TM2D1: variants seen among roughly 807,000 people sequenced by gnomAD.
TM2D1 encodes the protein TM2 domain containing 1, also known as TM2 domain-containing protein 1.
In TM2D1, 15 loss-of-function variants were observed where a neutral mutation model predicts 28.4. The observed-to-expected ratio is 0.53, with a 90% CI of 0.35 to 0.81. The LOEUF (loss-of-function observed/expected upper bound fraction) is 0.81, where lower values mean the gene tolerates loss of function less well. Ranked by LOEUF, TM2D1 falls within the 40% of genes least tolerant of loss-of-function variation. The probability of loss-of-function intolerance (pLI) is 0.01; values close to 1 mark genes in which losing one functional copy is unlikely to be tolerated. For synonymous variants in TM2D1, 93 were observed against 96.2 expected, an observed-to-expected ratio of 0.97 and a Z score of 0.20; for missense variants, 236 against 254.9, an observed-to-expected ratio of 0.93 and a Z score of 0.50.
chr1:61,684,904 A>G (rs1222080742), intron 5 of TM2D1, among the ~76,000 whole-genome samples: 1 of 152,108 alleles, frequency 6.6e-6, no homozygotes, highest in Admixed American at 6.5e-5. Context: ...CAGCCTCCCA[A>G]GTAGCTGGGA....
chr1:61,684,351 C>T (rs1021649404), intron 5 of TM2D1, among the ~76,000 whole-genome samples: 1 of 152,150 alleles, frequency 6.6e-6, no homozygotes, highest in African/African-American at 2.4e-5. Context: ...TGATACCATG[C>T]TACACTGGAA....
chr1:61,717,423 G>C (rs1011607674), intron 2 of TM2D1, among the ~76,000 whole-genome samples: 1 of 151,712 alleles, frequency 6.6e-6, no homozygotes, highest in Non-Finnish European at 1.5e-5. Flanking sequence ...ACAAAATTAA[G>C]CAACATGCTA....
chr1:61,702,750 T>TTATA (rs111311651), intron 3 of TM2D1, among the ~76,000 whole-genome samples: 18 of 149,536 alleles, frequency 1.2e-4, no homozygotes, highest in African/African-American at 4.2e-4. Context: ...ATTTTAGGCC[T>TTATA]TATATATATA....
At chr1:61,699,338 C>A (rs1692128) in intron 4 of TM2D1, 22 of 151,792 alleles carry the variant, frequency 1.4e-4, no homozygotes, top group African/African-American at 5.3e-4. Flanking sequence ...CAGAGTGAGA[C>A]TCTGTCACAC....
Position 61,694,348 on chromosome 1 carries a change from T to C in TM2D1, c.513+349A>G, listed in dbSNP as rs887867180. ...GAGGAAAAGAAACGGGTTTGAAAAA[T>C]AACCACAATCCCTCTTAGAGACAAC... is the stretch of plus-strand genomic sequence containing the variant. On this transcript the variant is annotated intron_variant, in intron 5 of 6. Coordinates refer to ENST00000606498, the MANE Select transcript of TM2D1 (RefSeq NM_032027.3). The C allele has an allele frequency of 1.6e-4, 26 of 161,792 alleles. No homozygotes were observed. The Admixed American group carries it at 1.7e-3, about 10-fold the overall frequency. The allele number at this position is 161,792 out of a possible 1,614,324, so 10.0% of individuals were successfully genotyped here.
intron 3 of TM2D1, among the ~76,000 whole-genome samples, chr1:61,705,849 G>A (rs1182069719): frequency 2.0e-5 from 3 of 152,068 alleles, no homozygotes; most frequent in Admixed American, 6.6e-5. Flanking sequence ...GGGTGGCTTG[G>A]TCATCAATCA....
intron 4 of TM2D1, among the ~76,000 whole-genome samples, chr1:61,697,320 TC>T (rs1016405509): frequency 5.3e-5 from 8 of 152,190 alleles, no homozygotes; most frequent in Middle Eastern, 3.4e-3. Context: ...TTTCTTTTTT[TC>T]TTTCCCTCTT....
intron 5 of TM2D1, among the ~76,000 whole-genome samples, chr1:61,688,520 C>T (rs901429985): frequency 6.6e-6 from 1 of 152,096 alleles, no homozygotes; most frequent in African/African-American, 2.4e-5. Flanking sequence ...GTCAAGAGAT[C>T]GAGACCATCC....
chr1:61,694,614 C>T, intron 5 of TM2D1, 83 bp downstream of exon 5: 1 of 934,900 alleles, frequency 1.1e-6, no homozygotes, highest in Non-Finnish European at 1.6e-6. Flanking sequence ...TCCTCGTATA[C>T]TAAACATTTT....
intron 2 of TM2D1, among the ~76,000 whole-genome samples, chr1:61,716,466 TA>T (rs1341848530): frequency 6.9e-6 from 1 of 145,714 alleles, no homozygotes; most frequent in African/African-American, 2.5e-5. Context: ...TATACATATA[TA>T]ATTATATATA....
intron 4 of TM2D1, among the ~76,000 whole-genome samples, chr1:61,696,420 T>A (rs1305102210): frequency 6.6e-6 from 1 of 151,694 alleles, no homozygotes; most frequent in Non-Finnish European, 1.5e-5. Flanking sequence ...ACGCCTGTGA[T>A]CCCAGCTACT....
At chr1:61,710,473 T>C (rs917732866) in intron 2 of TM2D1, among the ~76,000 whole-genome samples, 9 of 88,326 alleles carry the variant, frequency 1.0e-4, no homozygotes, top group African/African-American at 3.2e-4. Context: ...CATATATATA[T>C]ATACACACAC....
intron 5 of TM2D1, among the ~76,000 whole-genome samples, chr1:61,689,855 CTG>C (rs1267730046): frequency 6.6e-6 from 1 of 152,136 alleles, no homozygotes; most frequent in Non-Finnish European, 1.5e-5. Flanking sequence ...TCAAGTGACA[CTG>C]TGCAATTCAG....
At chr1:61,703,758 ATTT>A (rs542875676) in intron 3 of TM2D1, among the ~76,000 whole-genome samples, 1 of 90,400 alleles carries the variant, frequency 1.1e-5, no homozygotes, top group African/African-American at 4.1e-5. Context: ...ATATATATGC[ATTT>A]TTTTTTTTTT....
chr1:61,724,997 C>A lies in TM2D1; in HGVS notation c.124G>T (p.Gly42Cys). 1 of 1,609,094 alleles carries A rather than the reference C, an allele frequency of 6.2e-7. No individual in the cohort carries two copies. Among genetic ancestry groups the A allele is most frequent in the African/African-American group, 1.3e-5 (1 of 74,996 alleles). ...TCCTCGCACTTAAGCGACTCCTCGC[C>A]CCCGGCGGAGGTGGCAACAGCCCCC... The part of the protein sequence containing the change: ...PWGAVATSAG[G>C]EESLKCEDLK... Residue 42 changes from glycine to cysteine, a missense_variant, in exon 1 of 7, where the codon GGC becomes TGC. Transcript: ENST00000606498.
At chr1:61,705,996 T>C (rs1335778242) in intron 3 of TM2D1, among the ~76,000 whole-genome samples, 1 of 152,198 alleles carries the variant, frequency 6.6e-6, no homozygotes, top group African/African-American at 2.4e-5. Context: ...AAAGAAAATA[T>C]GAAACTGGAA....
At chr1:61,716,068 G>T (rs1644516619) in intron 2 of TM2D1, among the ~76,000 whole-genome samples, 1 of 151,704 alleles carries the variant, frequency 6.6e-6, no homozygotes, top group African/African-American at 2.4e-5. Context: ...GCCTCCCAAA[G>T]TGCTGGGATT....
intron 2 of TM2D1, among the ~76,000 whole-genome samples, chr1:61,715,688 A>G (rs1570125558): frequency 6.7e-6 from 1 of 150,164 alleles, no homozygotes; most frequent in African/African-American, 2.4e-5. Flanking sequence ...AGAAAGAAGG[A>G]AAAAAAAGCA....
At chr1:61,719,924 T>C (rs1290573189) in intron 2 of TM2D1, among the ~76,000 whole-genome samples, 2 of 152,210 alleles carry the variant, frequency 1.3e-5, no homozygotes, top group African/African-American at 4.8e-5. Flanking sequence ...TTAGAATAAA[T>C]AGTGGTTACC....
Sources: allele counts gnomAD v4.1 joint callset (sites outside exome capture counted in the v4.1 genomes callset), GRCh38; gene constraint gnomAD v4.1.1; transcripts MANE v1.5; gene names NCBI Gene and HGNC (gene_info 2026-07-23, HGNC 2026-07-21).